The following VPS53 variants were observed in gnomAD, a reference collection of about 807,000 sequenced individuals.
The protein encoded by VPS53 is vacuolar protein sorting-associated protein 53 homolog.
In VPS53, 70 loss-of-function variants were observed where a neutral mutation model predicts 107.0. That is an observed-to-expected ratio of 0.65 (90% CI 0.54 to 0.80). VPS53 has a LOEUF of 0.80. VPS53 is among the 30% of genes least tolerant of loss of function. The pLI is 0.00. For missense variants in VPS53, 917 were observed against 1,049.4 expected (o/e 0.87, Z 1.74); for synonymous variants, 409 against 393.3 (o/e 1.04, Z -0.47).
At chr17:594,474 C>T (rs150450341) in intron 12 of VPS53, among the ~76,000 whole-genome samples, 2 of 149,744 alleles carry the variant, frequency 1.3e-5, no homozygotes, top group African/African-American at 5.0e-5. Flanking sequence ...CTGGAGGAAG[C>T]TGGGAGATGG....
At chr17:638,263 G>C (rs1970277682) in intron 7 of VPS53, among the ~76,000 whole-genome samples, 1 of 151,900 alleles carries the variant, frequency 6.6e-6, no homozygotes, top group Non-Finnish European at 1.5e-5. Context: ...TTTTCCATTT[G>C]CTTGGTAGAT....
chr17:662,070 C>G (rs772101992), intron 4 of VPS53, among the ~76,000 whole-genome samples, 175 bp from the exon 5 acceptor site: 4 of 152,100 alleles, frequency 2.6e-5, no homozygotes, highest in Admixed American at 2.0e-4. Context: ...CCAGTGGCTG[C>G]GAACAGGTAA....
chr17:575,789 A>G (rs1280649490), intron 13 of VPS53, among the ~76,000 whole-genome samples: 1 of 148,658 alleles, frequency 6.7e-6, no homozygotes, highest in Non-Finnish European at 1.5e-5. Flanking sequence ...CTCAGAACCT[A>G]ATGCGGTCCC....
intron 6 of VPS53, among the ~76,000 whole-genome samples, chr17:654,662 G>A (rs1468055403): frequency 4.0e-5 from 6 of 150,794 alleles, no homozygotes; most frequent in African/African-American, 4.9e-5. Context: ...GCGGGAACCC[G>A]GGAGGCGGAG....
intron 14 of VPS53, among the ~76,000 whole-genome samples, chr17:560,854 C>T (rs1912885534): frequency 6.6e-6 from 1 of 152,224 alleles, no homozygotes; most frequent in African/African-American, 2.4e-5. Flanking sequence ...GAGCTGTCCT[C>T]TCTTTAGCTT....
chr17:662,461 G>A (rs138456521), intron 4 of VPS53, among the ~76,000 whole-genome samples: 2,661 of 152,156 alleles, frequency 0.017, 26 homozygotes, highest in Middle Eastern at 0.031. Context: ...AGGCCAAGGC[G>A]GGCAGATCAC....
intron 16 of VPS53, chr17:552,833 G>C (rs1034215764): frequency 1.7e-5 from 6 of 357,686 alleles, no homozygotes; most frequent in African/African-American, 1.2e-4. Flanking sequence ...AAACCTCTTA[G>C]GTTCTGTAGT....
At chr17:656,959 A>G (rs992833992) in intron 5 of VPS53, 18 of 1,017,460 alleles carry the variant, frequency 1.8e-5, no homozygotes, top group African/African-American at 1.1e-4. Flanking sequence ...TGTCTTTCAC[A>G]TGAACCACGT....
At chr17:661,202 A>G (rs1295389268) in intron 5 of VPS53, among the ~76,000 whole-genome samples, 1 of 151,992 alleles carries the variant, frequency 6.6e-6, no homozygotes, top group Non-Finnish European at 1.5e-5. Flanking sequence ...CAAAATGACT[A>G]GGAAACTATT....
intron 13 of VPS53, among the ~76,000 whole-genome samples, chr17:570,887 A>C (rs535020664): frequency 6.6e-6 from 1 of 152,302 alleles, no homozygotes; most frequent in South Asian, 2.1e-4. Flanking sequence ...TTAAGCAGTA[A>C]TGTTGTATCA....
At chr17:634,676 G>C (rs1970116293) in intron 7 of VPS53, among the ~76,000 whole-genome samples, 1 of 151,678 alleles carries the variant, frequency 6.6e-6, no homozygotes, top group African/African-American at 2.4e-5. Flanking sequence ...ATAGTTTGCT[G>C]AGAATGATGG....
At chr17:656,699 AAT>A (rs947456943) in intron 5 of VPS53, 916 of 492,942 alleles carry the variant, frequency 1.9e-3, no homozygotes, top group Middle Eastern at 5.2e-3. Flanking sequence ...CTGACTAAGA[AAT>A]GTGTGTGTGT....
intron 5 of VPS53, chr17:657,564 G>C: frequency 1.0e-6 from 1 of 994,484 alleles, no homozygotes; most frequent in Non-Finnish European, 1.6e-6. Flanking sequence ...ATTAGGCAAG[G>C]AAAAGAGGAC....
intron 4 of VPS53, among the ~76,000 whole-genome samples, chr17:676,721 T>G (rs1972175651): frequency 6.6e-6 from 1 of 152,182 alleles, no homozygotes; most frequent in Non-Finnish European, 1.5e-5. Context: ...CTTGGCGCAG[T>G]ATTTTCCTAA....
intron 16 of VPS53, chr17:552,745 C>T (rs1911958244): frequency 4.8e-6 from 1 of 206,914 alleles, no homozygotes; most frequent in South Asian, 1.5e-4. Context: ...AGAGCAACTG[C>T]ATCTGAGGAG....
intron 12 of VPS53, among the ~76,000 whole-genome samples, chr17:595,894 TC>T (rs1029000087): frequency 2.4e-5 from 3 of 123,712 alleles, no homozygotes; most frequent in Admixed American, 2.3e-4. Flanking sequence ...CACTCTAGTG[TC>T]CCCCTGGAGG....
chr17:688,112 T>C (rs893733425), intron 4 of VPS53, among the ~76,000 whole-genome samples: 1 of 152,128 alleles, frequency 6.6e-6, no homozygotes, highest in Non-Finnish European at 1.5e-5. Context: ...GCCGCAGACA[T>C]GTCTCCCTGC....
intron 19 of VPS53, among the ~76,000 whole-genome samples, chr17:531,257 C>A (rs960358840): frequency 2.0e-5 from 3 of 151,870 alleles, no homozygotes; most frequent in Admixed American, 6.6e-5. Context: ...ACACCCTCCC[C>A]ATTCTGGGCC....
At chr17:635,826 A>G (rs1170159827) in intron 7 of VPS53, among the ~76,000 whole-genome samples, 1 of 152,220 alleles carries the variant, frequency 6.6e-6, no homozygotes, top group Non-Finnish European at 1.5e-5. Context: ...GAAGTCAGGT[A>G]GCATGATGCC....
Sources: gnomAD v4.1 joint callset for allele counts (sites outside exome capture counted in the v4.1 genomes callset) on GRCh38, gnomAD v4.1.1 for gene constraint, MANE v1.5 for transcripts, NCBI Gene and HGNC (gene_info 2026-07-23, HGNC 2026-07-21) for gene names.